FSTL4: variants seen among roughly 807,000 people sequenced by gnomAD.
The protein encoded by FSTL4 is follistatin like 4.
A neutral mutation model predicts 78.2 loss-of-function variants in FSTL4; 28 were observed. The ratio of observed to expected loss-of-function variants is 0.36; its 90% CI spans 0.27 to 0.49. The LOEUF (loss-of-function observed/expected upper bound fraction) is 0.49, where lower values mean the gene tolerates loss of function less well. Among genes scored for constraint, FSTL4 ranks in the 20% least tolerant of loss-of-function variants. The probability of loss-of-function intolerance (pLI) is 0.98; values close to 1 mark genes in which losing one functional copy is unlikely to be tolerated. For missense variants in FSTL4, 922 were observed against 1,084.9 expected, an observed-to-expected ratio of 0.85 and a Z score of 2.11; for synonymous variants, 422 against 440.5, an observed-to-expected ratio of 0.96 and a Z score of 0.53.
intron 2 of FSTL4, 82 bp downstream of exon 2, chr5:133,603,776 T>C: frequency 4.1e-6 from 6 of 1,467,766 alleles, no homozygotes; most frequent in Non-Finnish European, 5.7e-6. Flanking sequence ...TGATCTAAAC[T>C]AAAGGTGGAG....
intron 4 of FSTL4, 71 bp from the exon 5 acceptor site, chr5:133,316,723 TC>T: frequency 7.8e-7 from 1 of 1,284,848 alleles, no homozygotes; most frequent in Non-Finnish European, 1.1e-6. Context: ...TTGCCGCTGG[TC>T]CATTCATCTC....
intron 3 of FSTL4, among the ~76,000 whole-genome samples, chr5:133,539,480 G>T (rs1156471465): frequency 6.6e-6 from 1 of 152,052 alleles, no homozygotes; most frequent in Non-Finnish European, 1.5e-5. Context: ...CACTCCACAG[G>T]CCCATGCATA....
Position 133,199,822 on chromosome 5 carries a change from G to T in FSTL4, c.1827-25C>A, listed in dbSNP as rs1279514263. ...CCTGGGAGGGGAAGAACTGAGGTCA[G>T]AAGTTGCCTCCAGGGGTGGGGAATC... On this transcript the variant is annotated intron_variant, in intron 15 of 15. Coordinates refer to ENST00000265342, the MANE Select transcript of FSTL4 (RefSeq NM_015082.2). The surrounding 1 kb of genome is among the most constrained non-coding windows in gnomAD (Gnocchi z 4.4). 7.4e-7 allele frequency: 1 copy of T among 1,352,290 alleles called. No individual in the cohort carries two copies. The highest frequency in any genetic ancestry group is 2.1e-5 in the Admixed American group (1 of 48,094). The allele number at this position is 1,352,290 out of a possible 1,614,324, so 83.8% of individuals were successfully genotyped here. A position where few individuals can be genotyped will look rare whatever the true frequency, so the allele number is the denominator to read the frequency against.
At position 133,302,796 on chromosome 5, in the gene FSTL4, A is replaced by G. The variant is rs1581604601; in HGVS notation, c.727+9858T>C. Among the ~76,000 whole-genome samples the G allele has an allele frequency of 2.0e-5, 3 of 152,172 alleles. No individual in the cohort carries two copies. In the South Asian group the frequency reaches 6.2e-4, roughly 32 times the overall value. On this transcript the variant is annotated intron_variant, in intron 6 of 15. Coordinates refer to ENST00000265342, the MANE Select transcript of FSTL4 (RefSeq NM_015082.2). ...CAGGATGATTCCACCATCAAGGGGA[A>G]CCCTCAGGTCTGTTCTTCATTCTCT...
chr5:133,619,382 C>T, the FSTL4 span, among the ~76,000 whole-genome samples: 1 of 152,244 alleles, frequency 6.6e-6, no homozygotes, highest in Admixed American at 6.5e-5. Context: ...CTACTTAAAT[C>T]AATTGAGTTG....
At chr5:133,524,569 T>G (rs1759051040) in intron 3 of FSTL4, among the ~76,000 whole-genome samples, 1 of 152,204 alleles carries the variant, frequency 6.6e-6, no homozygotes, top group African/African-American at 2.4e-5. Flanking sequence ...AGAAGCCTGC[T>G]GTAGACAGGG....
intron 3 of FSTL4, among the ~76,000 whole-genome samples, chr5:133,548,662 G>C (rs1355366902): frequency 6.6e-6 from 1 of 152,164 alleles, no homozygotes; most frequent in Admixed American, 6.5e-5. Context: ...GTGTGGCAAA[G>C]AAAAGAAAGA....
the FSTL4 span, among the ~76,000 whole-genome samples, chr5:133,749,762 G>T: frequency 6.6e-6 from 1 of 152,158 alleles, no homozygotes. Flanking sequence ...CACGATCACT[G>T]CCACCCTTCT....
At chr5:133,442,068 T>C (rs1170566674) in intron 3 of FSTL4, among the ~76,000 whole-genome samples, 2 of 152,214 alleles carry the variant, frequency 1.3e-5, no homozygotes, top group Non-Finnish European at 2.9e-5. Flanking sequence ...TTCTCAGACA[T>C]GCAGGTCAGA....
intron 2 of FSTL4, among the ~76,000 whole-genome samples, chr5:133,571,880 C>A (rs958038913): frequency 6.6e-6 from 1 of 152,068 alleles, no homozygotes; most frequent in African/African-American, 2.4e-5. Context: ...ATGAAAAATA[C>A]AGAAAAAGTA....
At chr5:133,220,959 G>A (rs761132018) in intron 11 of FSTL4, 93 bp from the exon 12 acceptor site, 5 of 803,904 alleles carry the variant, frequency 6.2e-6, no homozygotes, top group South Asian at 1.3e-5. Context: ...AACCGGCCAC[G>A]TGGATGCATC....
intron 8 of FSTL4, among the ~76,000 whole-genome samples, chr5:133,228,365 CATTT>C (rs1751395917): frequency 1.3e-5 from 2 of 152,200 alleles, no homozygotes; most frequent in African/African-American, 4.8e-5. Context: ...TTCCTTCATT[CATTT>C]AAGGAATGAA....
chr5:133,377,033 G>T (rs944124926), intron 4 of FSTL4, among the ~76,000 whole-genome samples: 1 of 152,168 alleles, frequency 6.6e-6, no homozygotes, highest in Non-Finnish European at 1.5e-5. Context: ...AGGAGACAGG[G>T]TTCCCTCTTC....
chr5:133,255,195 T>TG (rs1160822420), intron 6 of FSTL4, among the ~76,000 whole-genome samples: 1 of 152,130 alleles, frequency 6.6e-6, no homozygotes, highest in Non-Finnish European at 1.5e-5. Context: ...ACGCTGTGTC[T>TG]GGGGTGAGAA....
chr5:133,436,305 G>C (rs989915155), intron 3 of FSTL4, among the ~76,000 whole-genome samples: 2 of 152,184 alleles, frequency 1.3e-5, no homozygotes, highest in Non-Finnish European at 2.9e-5. Flanking sequence ...CTTGGGCTCA[G>C]CTCCAAAAGA....
intron 7 of FSTL4, among the ~76,000 whole-genome samples, chr5:133,233,815 C>T (rs7718992): frequency 0.015 from 2,272 of 152,278 alleles, 67 homozygotes; most frequent in African/African-American, 0.05. Flanking sequence ...CCCCAGCACA[C>T]GCCCTCTCAA....
chr5:133,810,738 C>T, the FSTL4 span, among the ~76,000 whole-genome samples: 21 of 152,288 alleles, frequency 1.4e-4, 1 homozygote, highest in South Asian at 3.9e-3. Context: ...CTGACTGCCC[C>T]ACCTAACCTT....
chr5:133,387,411 G>A (rs1423753761), intron 4 of FSTL4, among the ~76,000 whole-genome samples: 2 of 152,130 alleles, frequency 1.3e-5, no homozygotes, highest in East Asian at 3.9e-4. Flanking sequence ...CACATTCTCC[G>A]TGAATGAGAA....
At chr5:133,555,231 G>A (rs1007576533) in intron 3 of FSTL4, among the ~76,000 whole-genome samples, 1 of 152,200 alleles carries the variant, frequency 6.6e-6, no homozygotes, top group African/African-American at 2.4e-5. Context: ...ACAGATGAGA[G>A]AAGTCATCTT....
Sources: gnomAD v4.1 joint callset for allele counts (sites outside exome capture counted in the v4.1 genomes callset) on GRCh38, gnomAD v4.1.1 for gene constraint, Gnocchi (gnomAD v3.1) non-coding constraint, MANE v1.5 for transcripts, NCBI Gene and HGNC (gene_info 2026-07-23, HGNC 2026-07-21) for gene names.